NEGR1: variants seen among roughly 807,000 people sequenced by gnomAD.
NEGR1 encodes the protein neuronal growth regulator 1.
In NEGR1, 10 loss-of-function variants were observed where a neutral mutation model predicts 40.9. That is an observed-to-expected ratio of 0.24 (90% CI 0.15 to 0.42). NEGR1 has a LOEUF of 0.42. Among genes scored for constraint, NEGR1 ranks in the 10% least tolerant of loss-of-function variants. The pLI is 1.00. For synonymous variants in NEGR1, 185 were observed against 166.8 expected, an observed-to-expected ratio of 1.11 and a Z score of -0.84; for missense variants, 352 against 438.9, an observed-to-expected ratio of 0.80 and a Z score of 1.77.
intron 1 of NEGR1, among the ~76,000 whole-genome samples, chr1:72,232,601 A>AT (rs1037949097): frequency 9.9e-5 from 15 of 151,794 alleles, no homozygotes; most frequent in South Asian, 2.1e-4. Context: ...GTTAAGCAAT[A>AT]TTTTTTTTCT....
intron 4 of NEGR1, among the ~76,000 whole-genome samples, chr1:71,654,197 G>A (rs1484656860): frequency 6.6e-6 from 1 of 152,148 alleles, no homozygotes; most frequent in African/African-American, 2.4e-5. Flanking sequence ...GCTCAGGGCC[G>A]GGTGTAGGGA....
chr1:71,789,060 G>T (rs921199734), intron 2 of NEGR1, among the ~76,000 whole-genome samples: 2 of 152,086 alleles, frequency 1.3e-5, no homozygotes, highest in African/African-American at 4.8e-5. Flanking sequence ...GCGATACCAA[G>T]ATATTTTTTG....
intron 1 of NEGR1, among the ~76,000 whole-genome samples, chr1:72,143,371 A>T (rs1650759097): frequency 6.6e-6 from 1 of 151,878 alleles, no homozygotes; most frequent in Non-Finnish European, 1.5e-5. Flanking sequence ...CCATGTTCAC[A>T]AATCAAGACA....
chr1:71,661,367 A>G (rs1652047854), intron 4 of NEGR1, among the ~76,000 whole-genome samples: 1 of 152,198 alleles, frequency 6.6e-6, no homozygotes, highest in Admixed American at 6.5e-5. Flanking sequence ...CAGCAGCTGG[A>G]TCACCACACC....
chr1:71,710,726 T>C (rs969201176), intron 3 of NEGR1, among the ~76,000 whole-genome samples: 1 of 152,092 alleles, frequency 6.6e-6, no homozygotes, highest in Non-Finnish European at 1.5e-5. Context: ...AGAAGGATGA[T>C]TAACAGAGTC....
At chr1:71,478,872 A>T (rs551349380) in intron 6 of NEGR1, among the ~76,000 whole-genome samples, 3 of 152,044 alleles carry the variant, frequency 2.0e-5, no homozygotes, top group Non-Finnish European at 2.9e-5. Flanking sequence ...GGGAAAAAAA[A>T]ATCTTTCAGT....
At chr1:71,449,382 C>CAAA (rs1646607604) in intron 6 of NEGR1, among the ~76,000 whole-genome samples, 2 of 152,218 alleles carry the variant, frequency 1.3e-5, no homozygotes, top group Admixed American at 1.3e-4. Flanking sequence ...AAAGATAAAA[C>CAAA]AAAACTGCAT....
intron 1 of NEGR1, among the ~76,000 whole-genome samples, chr1:72,196,868 A>G (rs920326334): frequency 1.3e-5 from 2 of 152,010 alleles, no homozygotes; most frequent in Admixed American, 1.3e-4. Context: ...ACAAAAAGTC[A>G]TTTTAATAAT....
intron 2 of NEGR1, among the ~76,000 whole-genome samples, chr1:71,871,498 T>C (rs1183972759): frequency 1.3e-5 from 2 of 152,166 alleles, no homozygotes; most frequent in Middle Eastern, 6.3e-3. Context: ...ATCCCAGTTG[T>C]GGTGGTCACT....
At chr1:71,778,300 T>A (rs1252995879) in intron 2 of NEGR1, among the ~76,000 whole-genome samples, 2 of 152,032 alleles carry the variant, frequency 1.3e-5, no homozygotes, top group African/African-American at 4.8e-5. Context: ...GAAAGCACAT[T>A]TTGAGTACCC....
At chr1:71,677,264 G>C (rs904381634) in intron 4 of NEGR1, among the ~76,000 whole-genome samples, 1 of 151,922 alleles carries the variant, frequency 6.6e-6, no homozygotes, top group Admixed American at 6.6e-5. Flanking sequence ...CCCACAATCT[G>C]GTCTCCGGAT....
intron 3 of NEGR1, among the ~76,000 whole-genome samples, chr1:71,723,702 G>A (rs1322202414): frequency 6.6e-6 from 1 of 152,050 alleles, no homozygotes; most frequent in Non-Finnish European, 1.5e-5. Flanking sequence ...TTACAACAAA[G>A]TGCCTTCTTG....
chr1:72,167,220 T>C (rs1651800744), intron 1 of NEGR1, among the ~76,000 whole-genome samples: 1 of 152,124 alleles, frequency 6.6e-6, no homozygotes, highest in Non-Finnish European at 1.5e-5. Flanking sequence ...TGTATTAAAA[T>C]CAAAGCCACC....
At chr1:72,100,202 A>T (rs1039208422) in intron 1 of NEGR1, among the ~76,000 whole-genome samples, 2 of 152,124 alleles carry the variant, frequency 1.3e-5, no homozygotes, top group African/African-American at 4.8e-5. Context: ...CAAGATTATA[A>T]CTAAAAAACA....
intron 4 of NEGR1, among the ~76,000 whole-genome samples, chr1:71,691,362 G>A (rs907587551): frequency 1.3e-5 from 2 of 151,514 alleles, no homozygotes; most frequent in African/African-American, 4.8e-5. Context: ...CAATTTTGTT[G>A]TATTAAGAAA....
At chr1:71,816,871 C>T (rs1400283706) in intron 2 of NEGR1, among the ~76,000 whole-genome samples, 3 of 151,864 alleles carry the variant, frequency 2.0e-5, no homozygotes, top group African/African-American at 7.3e-5. Flanking sequence ...CTTATGGCCT[C>T]TCAAAAACTT....
At chr1:72,190,691 T>G (rs529163963) in intron 1 of NEGR1, among the ~76,000 whole-genome samples, 13 of 151,652 alleles carry the variant, frequency 8.6e-5, no homozygotes, top group African/African-American at 3.1e-4. Context: ...ATTAAACTTT[T>G]TATAGAGGCA....
At chr1:71,660,699 C>CTTA (rs1414404571) in intron 4 of NEGR1, among the ~76,000 whole-genome samples, 4 of 151,982 alleles carry the variant, frequency 2.6e-5, no homozygotes, top group African/African-American at 7.3e-5. Context: ...TTGGCTTTTT[C>CTTA]TTCTTATTAT....
At chr1:71,484,196 T>C (rs1016283106) in intron 6 of NEGR1, among the ~76,000 whole-genome samples, 2 of 151,740 alleles carry the variant, frequency 1.3e-5, no homozygotes, top group African/African-American at 2.4e-5. Context: ...TTCATGGTGA[T>C]TTCGAACACT....
Sources: allele counts gnomAD v4.1 joint callset (sites outside exome capture counted in the v4.1 genomes callset), GRCh38; gene constraint gnomAD v4.1.1; transcripts MANE v1.5; gene names NCBI Gene and HGNC (gene_info 2026-07-23, HGNC 2026-07-21).